The following PCDH9 variants were observed in gnomAD, a reference collection of about 807,000 sequenced individuals.
PCDH9 encodes the protein protocadherin-9.
PCDH9 carries 24 observed loss-of-function variants against 70.6 expected under a neutral mutation model. That is an observed-to-expected ratio of 0.34 (90% confidence interval 0.25 to 0.48). The LOEUF is 0.48. Ranked by LOEUF, PCDH9 falls within the 20% of genes least tolerant of loss-of-function variation. PCDH9 has a pLI of 0.99. For synonymous variants in PCDH9, 562 were observed against 558.5 expected (o/e 1.01, Z -0.09); for missense variants, 1,281 against 1,503.6 (o/e 0.85, Z 2.45).
chr13:66,784,693 T>C (rs1223604643), intron 3 of PCDH9, among the ~76,000 whole-genome samples: 1 of 152,172 alleles, frequency 6.6e-6, no homozygotes, highest in Admixed American at 6.6e-5. Flanking sequence ...CATAAGTGTC[T>C]CCATAGATGT....
chr13:66,651,765 A>G (rs1279904011), intron 3 of PCDH9, among the ~76,000 whole-genome samples: 1 of 152,088 alleles, frequency 6.6e-6, no homozygotes, highest in African/African-American at 2.4e-5. Flanking sequence ...TATCCTCAAC[A>G]AAATGCTAGC....
chr13:66,655,015 C>T (rs774798819), intron 3 of PCDH9, among the ~76,000 whole-genome samples: 4 of 152,022 alleles, frequency 2.6e-5, no homozygotes, highest in African/African-American at 4.8e-5. Context: ...GGTGAGCCAC[C>T]ATACCCTGTG....
chr13:67,018,923 C>T (rs1033335543), intron 2 of PCDH9, among the ~76,000 whole-genome samples: 3 of 152,142 alleles, frequency 2.0e-5, no homozygotes, highest in Non-Finnish European at 2.9e-5. Context: ...TTTCTGATCT[C>T]ATGATTTCAC....
At chr13:66,653,390 G>A (rs1278358807) in intron 3 of PCDH9, among the ~76,000 whole-genome samples, 2 of 152,120 alleles carry the variant, frequency 1.3e-5, no homozygotes, top group African/African-American at 4.8e-5. Flanking sequence ...CATACATATG[G>A]CAAACAGGTA....
At chr13:66,608,804 C>A (rs1021880096) in intron 4 of PCDH9, among the ~76,000 whole-genome samples, 1 of 151,998 alleles carries the variant, frequency 6.6e-6, no homozygotes, top group African/African-American at 2.4e-5. Flanking sequence ...CTTAATATAG[C>A]TGGGAAATAT....
At chr13:67,202,824 A>G (rs2089248796) in intron 2 of PCDH9, 1 of 151,964 alleles carries the variant, frequency 6.6e-6, no homozygotes, top group South Asian at 2.1e-4. Context: ...GAGGGTGTTC[A>G]TTTTGTCCAT....
intron 4 of PCDH9, among the ~76,000 whole-genome samples, chr13:66,394,899 T>C (rs879872454): frequency 3.3e-5 from 5 of 152,154 alleles, no homozygotes; most frequent in Non-Finnish European, 7.4e-5. Context: ...CTATACTGAA[T>C]GAAAACAAAT....
chr13:67,154,771 C>T (rs1307946413), intron 2 of PCDH9, among the ~76,000 whole-genome samples: 1 of 145,602 alleles, frequency 6.9e-6, no homozygotes, highest in African/African-American at 2.6e-5. Context: ...GTGGCAAGAT[C>T]TTGGCTCACT....
rs10559380 is a variant in PCDH9 at position 66,626,951 on chromosome 13, CTGTGTGTGTGTGTG to C, written c.3340+4245_3340+4258del. 2.0e-4 allele frequency among the ~76,000 whole-genome samples: 29 copies of C among 147,492 alleles called. No individual in the cohort carries two copies. The East Asian group carries it at 4.8e-3, about 25-fold the overall frequency. On this transcript the variant is annotated intron_variant, in intron 4 of 4. Transcript: ENST00000377865. ...GCCAGTATTATTAGATCAAATGCCA[CTGTGTGTGTGTGTG>C]TGTGTGTGTGTGTGTGTGTGTGTTT...
At chr13:66,875,853 T>C (rs1159964604) in intron 3 of PCDH9, among the ~76,000 whole-genome samples, 1 of 152,194 alleles carries the variant, frequency 6.6e-6, no homozygotes, top group African/African-American at 2.4e-5. Flanking sequence ...AACTGGAATA[T>C]ATACTTGCCT....
At chr13:67,020,869 T>G (rs1278787114) in intron 2 of PCDH9, among the ~76,000 whole-genome samples, 2 of 152,212 alleles carry the variant, frequency 1.3e-5, no homozygotes, top group Admixed American at 1.3e-4. Flanking sequence ...ATTCAGTATT[T>G]TGAGCCCACA....
At chr13:66,368,965 T>G (rs966658792) in intron 4 of PCDH9, among the ~76,000 whole-genome samples, 1 of 152,116 alleles carries the variant, frequency 6.6e-6, no homozygotes, top group African/African-American at 2.4e-5. Flanking sequence ...ACCGGGTTCC[T>G]CCTACAACAC....
intron 2 of PCDH9, among the ~76,000 whole-genome samples, chr13:67,103,144 T>C (rs1428017221): frequency 6.6e-6 from 1 of 152,086 alleles, no homozygotes; most frequent in Non-Finnish European, 1.5e-5. Flanking sequence ...TATCACTATA[T>C]ATGACTAGGT....
At chr13:66,504,219 C>T (rs1054291071) in intron 4 of PCDH9, among the ~76,000 whole-genome samples, 1 of 152,194 alleles carries the variant, frequency 6.6e-6, no homozygotes, top group African/African-American at 2.4e-5. Context: ...CCACGTGTAC[C>T]TTAGGATTAG....
intron 2 of PCDH9, among the ~76,000 whole-genome samples, chr13:66,920,639 A>T (rs1594261283): frequency 6.6e-6 from 1 of 151,208 alleles, no homozygotes; most frequent in African/African-American, 2.4e-5. Context: ...GGCAAAAACA[A>T]ACACAAAACC....
At chr13:66,540,386 T>A (rs1267210843) in intron 4 of PCDH9, among the ~76,000 whole-genome samples, 1 of 152,166 alleles carries the variant, frequency 6.6e-6, no homozygotes, top group Non-Finnish European at 1.5e-5. Flanking sequence ...AATTTTATCA[T>A]AATCACAAAT....
intron 2 of PCDH9, among the ~76,000 whole-genome samples, chr13:67,032,214 G>A (rs1420051262): frequency 1.3e-5 from 2 of 152,140 alleles, no homozygotes; most frequent in Non-Finnish European, 2.9e-5. Flanking sequence ...CACAATCATG[G>A]CTCACTGTAG....
Position 67,179,326 on chromosome 13 carries a change from A to C in PCDH9, c.3036+46079T>G, listed in dbSNP as rs142803093. Among the ~76,000 whole-genome samples the C allele has an allele frequency of 7.6e-3, 1,157 of 152,232 alleles. 7 individuals carry two copies. The highest frequency in any genetic ancestry group is 0.012 in the Non-Finnish European group (791 of 67,948). On this transcript the variant is annotated intron_variant, in intron 2 of 4. Transcript: ENST00000377865. ...GTAGAAATTTTATTCTTTTTAATTTAAACATCTGCACAACTAATCTTTGTG... is the reference window on the plus strand; with the variant it reads ...GTAGAAATTTTATTCTTTTTAATTTCAACATCTGCACAACTAATCTTTGTG...
intron 3 of PCDH9, among the ~76,000 whole-genome samples, chr13:66,691,247 A>T (rs771595160): frequency 1.5e-4 from 23 of 152,076 alleles, no homozygotes; most frequent in Non-Finnish European, 2.9e-4. Flanking sequence ...CATGTTGGTC[A>T]GGCTGGTCTC....
Sources: gnomAD v4.1 joint callset for allele counts (sites outside exome capture counted in the v4.1 genomes callset) on GRCh38, gnomAD v4.1.1 for gene constraint, MANE v1.5 for transcripts, NCBI Gene and HGNC (gene_info 2026-07-23, HGNC 2026-07-21) for gene names.